MTDH: variants seen among roughly 807,000 people sequenced by gnomAD.
The protein encoded by MTDH is protein LYRIC.
A neutral mutation model predicts 72.7 loss-of-function variants in MTDH; 34 were observed. The ratio of observed to expected loss-of-function variants is 0.47; its 90% CI spans 0.36 to 0.62. The LOEUF (loss-of-function observed/expected upper bound fraction) is 0.62. MTDH is among the 20% of genes least tolerant of loss of function. The pLI is 0.00. For synonymous variants in MTDH, 266 were observed against 268.9 expected, an observed-to-expected ratio of 0.99 and a Z score of 0.10; for missense variants, 677 against 699.4, an observed-to-expected ratio of 0.97 and a Z score of 0.36.
At chr8:97,675,165 A>G (rs529708032) in intron 2 of MTDH, among the ~76,000 whole-genome samples, 6 of 152,294 alleles carry the variant, frequency 3.9e-5, no homozygotes, top group African/African-American at 1.2e-4. Context: ...ATTACCATGA[A>G]AATCTTTAGA....
intron 6 of MTDH, among the ~76,000 whole-genome samples, chr8:97,691,971 C>G (rs557248808): frequency 6.6e-6 from 1 of 152,212 alleles, no homozygotes; most frequent in Admixed American, 6.5e-5. Context: ...CCTCCACCTC[C>G]CGGGTTCAAG....
At chr8:97,709,362 C>A (rs1814525921) in intron 8 of MTDH, among the ~76,000 whole-genome samples, 1 of 152,016 alleles carries the variant, frequency 6.6e-6, no homozygotes, top group South Asian at 2.1e-4. Context: ...ATATATAATA[C>A]CTTAATACAT....
intron 4 of MTDH, among the ~76,000 whole-genome samples, chr8:97,688,193 C>T (rs781735357): frequency 2.0e-5 from 3 of 152,080 alleles, no homozygotes; most frequent in African/African-American, 4.8e-5. Flanking sequence ...TTTAAATTAC[C>T]GTCATTTTTA....
At position 97,729,390 on chromosome 8, in the gene MTDH, C is replaced by G. The variant is rs544350234; in HGVS notation, c.*4720C>G. On this transcript the variant is annotated 3_prime_UTR_variant, in exon 12 of 12. Coordinates refer to ENST00000336273, the MANE Select transcript of MTDH (RefSeq NM_178812.4). ...CTTCAATTTCAAACAGTTGCTTGGT[C>G]CCACTAGCCATGAAGCTGGATGGGA... Among the ~76,000 whole-genome samples the G allele has an allele frequency of 6.6e-6, 1 of 152,252 alleles. No homozygotes were observed. Among genetic ancestry groups the G allele is most frequent in the African/African-American group, 2.4e-5 (1 of 41,558 alleles).
At chr8:97,708,263 C>G (rs1814447763) in intron 8 of MTDH, among the ~76,000 whole-genome samples, 1 of 78,596 alleles carries the variant, frequency 1.3e-5, no homozygotes, top group Admixed American at 1.7e-4. Context: ...CCATGCCAGG[C>G]CTTTTTTTTT....
chr8:97,670,957 T>G lies in MTDH; in HGVS notation c.483+9784T>G, dbSNP rs1252110837. Reference sequence around the variant, plus strand: ...TTTTTTTTGTTGTTGTTGTTGTTTTTTTTTTTTTTTTTTTTTTTTGAGACG... The same window carrying G: ...TTTTTTTTGTTGTTGTTGTTGTTTTGTTTTTTTTTTTTTTTTTTTGAGACG... On this transcript the variant is annotated intron_variant, in intron 2 of 11. Transcript: ENST00000336273. Among the ~76,000 whole-genome samples the G allele has an allele frequency of 8.6e-3, 1,147 of 132,856 alleles. 3 individuals are homozygous for G. Among genetic ancestry groups the G allele is most frequent in the Middle Eastern group, 0.019 (5 of 262 alleles). The allele number at this position is 132,856 out of a possible 152,430, so 87.2% of individuals were successfully genotyped here.
At chr8:97,703,163 A>C (rs1814206393) in intron 7 of MTDH, among the ~76,000 whole-genome samples, 1 of 152,128 alleles carries the variant, frequency 6.6e-6, no homozygotes, top group African/African-American at 2.4e-5. Flanking sequence ...CCACGCGTTC[A>C]AGACCAGCCT....
rs926008803 is a variant in MTDH at position 97,644,765 on chromosome 8, C to G, written c.259C>G (p.Arg87Gly). ...CCGCAAAAAGCGGAGGAGCCCGCCC[C>G]GCAAGCGGGAGGAGGCGGCGGCCGT... ...GARKKRRSPP[R>G]KREEAAAVPA... is the part of the protein sequence containing the mutation. The change falls in exon 1 of 12, where the codon CGC becomes GGC. Residue 87 changes from arginine (R) to glycine (G), a missense_variant. Arg to Gly is a moderately radical substitution (Grantham distance 125). This residue lies in a region of MTDH where 467 missense variants were observed against 469.1 expected (regional missense o/e 1.00). Coordinates refer to ENST00000336273, the MANE Select transcript of MTDH (RefSeq NM_178812.4). 1 of 1,560,868 alleles carries G rather than the reference C, an allele frequency of 6.4e-7. No homozygotes were observed. The highest frequency in any genetic ancestry group is 8.6e-7 in the Non-Finnish European group (1 of 1,162,470).
At chr8:97,717,743 A>ATTGTTTGT (rs751913507) in intron 9 of MTDH, among the ~76,000 whole-genome samples, 1 of 150,554 alleles carries the variant, frequency 6.6e-6, no homozygotes, top group African/African-American at 2.4e-5. Context: ...TGTCCCTGAG[A>ATTGTTTGT]TTGTTTGTTT....
In MTDH at chr8:97,724,681, C is replaced by A; in HGVS notation, c.*11C>A. The A allele has an allele frequency of 6.3e-7, 1 of 1,580,166 alleles. No homozygotes were observed. The highest frequency in any genetic ancestry group is 1.2e-5 in the South Asian group (1 of 84,894). ...AGACGAGAAACGTGAAATTTTTTTT[C>A]CTGAATTGGACATGTGTTTGCAAAC... On this transcript the variant is annotated 3_prime_UTR_variant, in exon 12 of 12. Coordinates refer to ENST00000336273, the MANE Select transcript of MTDH (RefSeq NM_178812.4).
intron 2 of MTDH, among the ~76,000 whole-genome samples, chr8:97,664,870 C>T (rs1470012615): frequency 6.6e-6 from 1 of 152,144 alleles, no homozygotes; most frequent in Non-Finnish European, 1.5e-5. Flanking sequence ...AAACAATTCT[C>T]CTGCCTCAGC....
intron 2 of MTDH, among the ~76,000 whole-genome samples, chr8:97,662,679 G>A (rs140924128): frequency 0.028 from 4,299 of 151,754 alleles, 143 homozygotes; most frequent in African/African-American, 0.072. Context: ...CCAGCTACTC[G>A]GGAGGCTGAG....
At chr8:97,676,198 C>T (rs749762264) in intron 2 of MTDH, among the ~76,000 whole-genome samples, 1 of 152,134 alleles carries the variant, frequency 6.6e-6, no homozygotes, top group Admixed American at 6.5e-5. Flanking sequence ...CCTCTGTCTC[C>T]CAAAGTGCTG....
intron 9 of MTDH, among the ~76,000 whole-genome samples, chr8:97,718,292 C>T (rs2131078499): frequency 6.6e-6 from 1 of 152,282 alleles, no homozygotes; most frequent in South Asian, 2.1e-4. Flanking sequence ...ATCTGCCTGC[C>T]TCAGCCTCCC....
At chr8:97,684,372 T>G (rs1032098655) in intron 2 of MTDH, among the ~76,000 whole-genome samples, 3 of 152,170 alleles carry the variant, frequency 2.0e-5, no homozygotes, top group African/African-American at 7.2e-5. Flanking sequence ...ATATGTGGTT[T>G]GCATTATATT....
At position 97,690,940 on chromosome 8, in the gene MTDH, C is replaced by A. The variant is rs1439344288; in HGVS notation, c.812-12C>A. On this transcript the variant is annotated splice_polypyrimidine_tract_variant and intron_variant, in intron 5 of 11. Coordinates refer to ENST00000336273, the MANE Select transcript of MTDH (RefSeq NM_178812.4). ...GTACCTGTTTTTTAATATTCATTTT[C>A]TTTTCTTTAAGTTTCTTCAGGATTG... 1.9e-6 allele frequency: 3 copies of A among 1,571,210 alleles called. No individual in the cohort carries two copies. Among genetic ancestry groups the A allele is most frequent in the Non-Finnish European group, 2.6e-6 (3 of 1,155,060 alleles).
Position 97,644,561 on chromosome 8 carries a change from G to T in MTDH, c.55G>T (p.Ala19Ser). 1 of 1,603,788 alleles carries T rather than the reference G, an allele frequency of 6.2e-7. No individual in the cohort carries two copies. Residue 19 changes from alanine (A) to serine (S), a missense_variant, in exon 1 of 12, where the codon GCC (alanine) becomes TCC (serine). By Grantham distance (99) the Ala-to-Ser change is moderately conservative. Transcript: ENST00000336273. Reference protein sequence around the residue: ...ELAQQAEEGSARLREMLSVGL... With the variant: ...ELAQQAEEGSSRLREMLSVGL... The stretch of plus-strand genomic sequence containing the variant: ...GGCCCAGCAGGCCGAGGAGGGCTCG[G>T]CCCGGCTGCGGGAAATGCTCTCGGT...
chr8:97,682,126 A>C (rs1813103702), intron 2 of MTDH, among the ~76,000 whole-genome samples: 1 of 150,428 alleles, frequency 6.6e-6, no homozygotes, highest in Admixed American at 6.7e-5. Flanking sequence ...CTTCAGTAGT[A>C]TGGCCAGGGC....
At chr8:97,707,397 A>G (rs1469403214) in intron 8 of MTDH, among the ~76,000 whole-genome samples, 2 of 142,242 alleles carry the variant, frequency 1.4e-5, no homozygotes, top group South Asian at 4.4e-4. Context: ...TGATCCGCTC[A>G]CCTCAGCCCC....
Sources: gnomAD v4.1 joint callset for allele counts (sites outside exome capture counted in the v4.1 genomes callset) on GRCh38, gnomAD v4.1.1 for gene constraint, gnomAD v4.1.1 regional missense constraint, MANE v1.5 for transcripts, NCBI Gene and HGNC (gene_info 2026-07-23, HGNC 2026-07-21) for gene names.